NUP107: variants seen among roughly 807,000 people sequenced by gnomAD.
NUP107 encodes nucleoporin 107.
NUP107 carries 101 observed loss-of-function variants against 141.0 expected under a neutral mutation model. The observed-to-expected ratio is 0.72, with a 90% confidence interval of 0.61 to 0.84. NUP107 has a LOEUF of 0.84. NUP107 is among the 40% of genes least tolerant of loss of function. NUP107 has a pLI of 0.00. For synonymous variants in NUP107, 319 were observed against 363.9 expected, an observed-to-expected ratio of 0.88 and a Z score of 1.41; for missense variants, 941 against 1,102.7, an observed-to-expected ratio of 0.85 and a Z score of 2.08.
At chr12:68,732,491 T>A in intron 22 of NUP107, 146 bp from the exon 23 acceptor site, 1 of 501,592 alleles carries the variant, frequency 2.0e-6, no homozygotes, top group Non-Finnish European at 3.5e-6. Flanking sequence ...CTAAGGAAAG[T>A]TAGATGCTTT....
intron 8 of NUP107, among the ~76,000 whole-genome samples, chr12:68,704,792 A>T (rs1036192168): frequency 1.2e-4 from 18 of 152,134 alleles, no homozygotes; most frequent in Non-Finnish European, 2.5e-4. Context: ...ATATATAGTT[A>T]AAAAAGGAGA....
Position 68,744,846 on chromosome 12 carries a change from G to A in NUP107, c.*2384G>A, listed in dbSNP as rs1395010372. On this transcript the variant is annotated 3_prime_UTR_variant, in exon 28 of 28. Transcript: ENST00000229179. ...TGGGCACCTGAGTGGGAAATTTCAG[G>A]CAACTTAATTTAGTTCCTCAGTGCC... 1 of 152,234 alleles carries A rather than the reference G, an allele frequency of 6.6e-6. No homozygotes were observed. Among genetic ancestry groups the A allele is most frequent in the African/African-American group, 2.4e-5 (1 of 41,462 alleles). 9.4% of individuals were successfully genotyped at this position (152,234 alleles called of 1,614,324 possible). A position where few individuals can be genotyped will look rare whatever the true frequency, so the allele number is the denominator to read the frequency against.
rs199734071 is a variant in NUP107 at position 68,731,698 on chromosome 12, C to T, written c.1977C>T (p.Ala659=). 3 of 1,567,270 alleles carry T rather than the reference C, an allele frequency of 1.9e-6. No homozygotes were observed. Among genetic ancestry groups the T allele is most frequent in the Admixed American group, 2.0e-5 (1 of 49,490 alleles). The change falls in exon 22 of 28, where the codon GCC becomes GCT. Residue 659 remains alanine, a synonymous_variant. Transcript: ENST00000229179. ...GEFSHHDLAP[A]LDTGTTEEDR... ...TTAGTCATCATGACCTGGCCCCAGC[C>T]CTAGATACTGGCACTACTGAGGTAA...
rs777506096 is a variant in NUP107 at position 68,700,861 on chromosome 12, C to T, written c.680+8C>T. 39 of 1,564,508 alleles carry T rather than the reference C, an allele frequency of 2.5e-5. No individual in the cohort carries two copies. Among genetic ancestry groups the T allele is most frequent in the Middle Eastern group, 1.7e-4 (1 of 5,836 alleles). On this transcript the variant is annotated splice_region_variant and intron_variant, in intron 7 of 27. Coordinates refer to ENST00000229179, the MANE Select transcript of NUP107 (RefSeq NM_020401.4). ...GCTGGCTTCTTTGTATAGGTAATGG[C>T]GTCTAGAATTCATAAGTGAAATAAA...
chr12:68,702,702 TA>T (rs750853936), intron 7 of NUP107, 33 bp from the exon 8 acceptor site: 17 of 1,464,384 alleles, frequency 1.2e-5, no homozygotes, highest in Non-Finnish European at 1.5e-5. Context: ...TCGTGTGAAA[TA>T]AGGCTTTTTT....
At position 68,696,852 on chromosome 12, in the gene NUP107, CT is replaced by C; in HGVS notation, c.486del (p.Leu163Ter). The C allele has an allele frequency of 1.3e-6, 2 of 1,597,914 alleles. No individual in the cohort carries two copies. The highest frequency in any genetic ancestry group is 1.1e-5 in the South Asian group (1 of 89,722). On this transcript the variant is annotated frameshift_variant, in exon 6 of 28. Transcript: ENST00000229179. LOFTEE classifies it high-confidence loss of function. ...AGTATGTTTTCTGATTTCCTGCAGT[CT>C]TTTCTGAAGCACTCTTCGAGTACAG... The part of the protein sequence containing the change: ...SMSMFSDFLQ[S>X]FLKHSSSTVF...
At chr12:68,703,789 A>T (rs1284923934) in intron 8 of NUP107, among the ~76,000 whole-genome samples, 1 of 152,196 alleles carries the variant, frequency 6.6e-6, no homozygotes, top group Non-Finnish European at 1.5e-5. Context: ...TAGATTTTTT[A>T]AAATTTATGT....
chr12:68,731,647 T>C lies in NUP107; in HGVS notation c.1926T>C (p.Asn642=). The change falls in exon 22 of 28, where the codon AAT becomes AAC. Residue 642 remains asparagine (N), a synonymous_variant. Coordinates refer to ENST00000229179, the MANE Select transcript of NUP107 (RefSeq NM_020401.4). ...CAATAACAAAAACTGTAGTTGAGAA[T>C]ATTCGAAAGAAAGATAATGGTGAAT... is the stretch of plus-strand genomic sequence containing the variant. ...VATITKTVVE[N]IRKKDNGEFS... is the part of the protein sequence containing the mutation. 6.3e-7 allele frequency: 1 copy of C among 1,586,558 alleles called. No individual in the cohort carries two copies. The highest frequency in any genetic ancestry group is 8.5e-7 in the Non-Finnish European group (1 of 1,172,906).
At chr12:68,706,429 A>AC in intron 8 of NUP107, 1 of 840,388 alleles carries the variant, frequency 1.2e-6, no homozygotes, top group Non-Finnish European at 2.0e-6. Context: ...AGGTCAAGGC[A>AC]CCGTACGAGG....
chr12:68,713,294 G>A (rs531183227), intron 10 of NUP107, among the ~76,000 whole-genome samples: 4 of 151,158 alleles, frequency 2.6e-5, no homozygotes, highest in African/African-American at 4.9e-5. Flanking sequence ...AGGATCACTT[G>A]AGTCCGGGAG....
intron 7 of NUP107, among the ~76,000 whole-genome samples, chr12:68,702,154 A>G (rs562762354): frequency 1.3e-5 from 2 of 152,100 alleles, no homozygotes; most frequent in Non-Finnish European, 2.9e-5. Context: ...ACGCTTGGCT[A>G]ATTTTTATAT....
intron 5 of NUP107, 65 bp from the exon 6 acceptor site, chr12:68,696,754 G>C (rs1876076771): frequency 4.8e-6 from 4 of 825,958 alleles, no homozygotes; most frequent in Non-Finnish European, 7.7e-6. Flanking sequence ...CAAACAAACG[G>C]AATTACCTAG....
chr12:68,742,664 A>C lies in NUP107; in HGVS notation c.*202A>C, dbSNP rs957281238. 27 of 274,338 alleles carry C rather than the reference A, an allele frequency of 9.8e-5. No homozygotes were observed. Among genetic ancestry groups the C allele is most frequent in the Non-Finnish European group, 1.6e-4 (24 of 148,870 alleles). 17.0% of individuals were successfully genotyped at this position (274,338 alleles called of 1,614,324 possible). On this transcript the variant is annotated 3_prime_UTR_variant, in exon 28 of 28. Transcript: ENST00000229179. ...GTGCTTGTTAATAAAACTATATAAA[A>C]ATTAAAATTTTCTGTTTTTACAAAT... is the stretch of plus-strand genomic sequence containing the variant.
At position 68,739,390 on chromosome 12, in the gene NUP107, G is replaced by A. The variant is rs76146148; in HGVS notation, c.2503-2423G>A. Among the ~76,000 whole-genome samples the A allele has an allele frequency of 6.8e-3, 1,030 of 152,276 alleles. 14 individuals are homozygous for A. The highest frequency in any genetic ancestry group is 0.024 in the African/African-American group (981 of 41,554). On this transcript the variant is annotated intron_variant, in intron 26 of 27. Coordinates refer to ENST00000229179, the MANE Select transcript of NUP107 (RefSeq NM_020401.4). ...TGACTCTGGCACTTAAAATAATGCT[G>A]AGCACATGGGAGGCTTTCAGTGGTA...
Position 68,713,737 on chromosome 12 carries a change from A to AC in NUP107, c.899dup (p.Leu301SerfsTer22). The AC allele has an allele frequency of 6.2e-7, 1 of 1,600,268 alleles. No individual in the cohort carries two copies. The highest frequency in any genetic ancestry group is 1.1e-5 in the South Asian group (1 of 87,530). ...ACTTATTATTTCTTTCAGGGAAAAT[A>AC]CTCTGCATACCTTAAAACAACGGCA... On this transcript the variant is annotated frameshift_variant, in exon 11 of 28. Transcript: ENST00000229179. LOFTEE classifies it high-confidence loss of function.
intron 8 of NUP107, among the ~76,000 whole-genome samples, chr12:68,705,097 A>T (rs1876516125): frequency 1.3e-5 from 2 of 152,160 alleles, no homozygotes. Flanking sequence ...TATGTTGCCC[A>T]GGCTGGTCTC....
rs1347517523 is a variant in NUP107 at position 68,745,484 on chromosome 12, G to A, written c.*3022G>A. 1 of 152,152 alleles carries A rather than the reference G, an allele frequency of 6.6e-6. No individual in the cohort carries two copies. Among genetic ancestry groups the A allele is most frequent in the African/African-American group, 2.4e-5 (1 of 41,420 alleles). The allele number at this position is 152,152 out of a possible 1,614,324, so 9.4% of individuals were successfully genotyped here. On this transcript the variant is annotated 3_prime_UTR_variant, in exon 28 of 28. Coordinates refer to ENST00000229179, the MANE Select transcript of NUP107 (RefSeq NM_020401.4). ...AAGGACCTTACTGTCGATCAAGACTGTTACTCAAAGTTCTATCTCTTAGTC... is the reference window on the plus strand; with the variant it reads ...AAGGACCTTACTGTCGATCAAGACTATTACTCAAAGTTCTATCTCTTAGTC...
intron 21 of NUP107, 58 bp from the exon 22 acceptor site, chr12:68,731,549 G>T: frequency 1.1e-6 from 1 of 933,016 alleles, no homozygotes; most frequent in Non-Finnish European, 1.6e-6. Flanking sequence ...TGACTATTTA[G>T]AGAATATTAG....
At chr12:68,731,081 A>G (rs1565701915) in intron 20 of NUP107, 29 bp from the exon 21 acceptor site, 3 of 1,450,670 alleles carry the variant, frequency 2.1e-6, no homozygotes, top group Non-Finnish European at 2.8e-6. Context: ...TTTATTATTG[A>G]CATACTTTGA....
Sources: allele counts gnomAD v4.1 joint callset (sites outside exome capture counted in the v4.1 genomes callset), GRCh38; gene constraint gnomAD v4.1.1; transcripts MANE v1.5; gene names NCBI Gene and HGNC (gene_info 2026-07-23, HGNC 2026-07-21).